Variants in NAV2 observed in about 807,000 individuals in gnomAD.
NAV2 encodes the protein helicase, APC down-regulated 1.
Under a neutral mutation model 223.2 loss-of-function variants are expected in NAV2, and 54 were observed. That is an observed-to-expected ratio of 0.24 (90% CI 0.19 to 0.30). The LOEUF (loss-of-function observed/expected upper bound fraction) is 0.30. Ranked by LOEUF, NAV2 falls within the 10% of genes least tolerant of loss-of-function variation. The pLI is 1.00. For missense variants in NAV2, 2,806 were observed against 3,147.5 expected, an observed-to-expected ratio of 0.89 and a Z score of 2.60; for synonymous variants, 1,279 against 1,239.3, an observed-to-expected ratio of 1.03 and a Z score of -0.67.
chr11:19,676,699 G>A (rs771313464), intron 1 of NAV2, among the ~76,000 whole-genome samples: 5 of 152,302 alleles, frequency 3.3e-5, no homozygotes, highest in Non-Finnish European at 7.4e-5. Context: ...TGCTGGTGGT[G>A]TCATTGCTGT....
chr11:19,999,232 CCCACTCAGTCCTCAGCCAG>C (rs777403465), intron 11 of NAV2, among the ~76,000 whole-genome samples: 1,555 of 152,324 alleles, frequency 0.01, 12 homozygotes, highest in Non-Finnish European at 0.018. Flanking sequence ...AGTGAACCCA[CCCACTCAGTCCTCAGCCAG>C]TCCTCAAAGA....
intron 1 of NAV2, among the ~76,000 whole-genome samples, chr11:19,728,990 A>G (rs533020295): frequency 2.6e-5 from 4 of 152,332 alleles, no homozygotes; most frequent in African/African-American, 4.8e-5. Context: ...TTAAACTTCA[A>G]TGTACTCAGG....
intron 1 of NAV2, among the ~76,000 whole-genome samples, chr11:19,635,923 G>T (rs537589130): frequency 6.6e-6 from 1 of 152,168 alleles, no homozygotes; most frequent in African/African-American, 2.4e-5. Flanking sequence ...GGAAGAGGGG[G>T]GTGTTAAAAG....
At chr11:19,346,999 G>T (rs959664827), upstream of NAV2, among the ~76,000 whole-genome samples, 5 of 152,106 alleles carry the variant, frequency 3.3e-5, no homozygotes, top group Non-Finnish European at 7.3e-5. Flanking sequence ...TTAACTCCAG[G>T]TATAAGATGA....
At chr11:19,433,369 A>G (rs2133616734) in intron 1 of NAV2, among the ~76,000 whole-genome samples, 1 of 152,326 alleles carries the variant, frequency 6.6e-6, no homozygotes, top group Admixed American at 6.5e-5. Context: ...AAATTTCTGC[A>G]TTTGATGGGG....
intron 1 of NAV2, among the ~76,000 whole-genome samples, chr11:19,792,824 T>A (rs2057617367): frequency 6.6e-6 from 1 of 151,860 alleles, no homozygotes; most frequent in Non-Finnish European, 1.5e-5. Context: ...GGTGCTTAAC[T>A]TTGAGACTTG....
chr11:19,453,914 G>A (rs113818529), intron 1 of NAV2, among the ~76,000 whole-genome samples: 2 of 152,278 alleles, frequency 1.3e-5, no homozygotes, highest in South Asian at 2.1e-4. Flanking sequence ...CTTTATGTTG[G>A]GGGAGGCCAT....
chr11:19,676,202 G>A (rs1164918145), intron 1 of NAV2, among the ~76,000 whole-genome samples: 1 of 152,132 alleles, frequency 6.6e-6, no homozygotes, highest in Admixed American at 6.5e-5. Flanking sequence ...CTCATAATAA[G>A]AATATTTTAG....
intron 5 of NAV2, among the ~76,000 whole-genome samples, chr11:19,890,636 A>G (rs955853010): frequency 6.6e-6 from 1 of 152,282 alleles, no homozygotes; most frequent in Non-Finnish European, 1.5e-5. Context: ...TAAAAAGTCC[A>G]GCCCAAGGGA....
At chr11:20,077,342 C>T (rs903052173) in intron 22 of NAV2, among the ~76,000 whole-genome samples, 3 of 151,836 alleles carry the variant, frequency 2.0e-5, no homozygotes, top group East Asian at 1.9e-4. Context: ...TACAAGGGCC[C>T]TAAGATGGGA....
intron 1 of NAV2, among the ~76,000 whole-genome samples, chr11:19,686,261 T>A (rs776490693): frequency 2.1e-4 from 32 of 152,192 alleles, no homozygotes; most frequent in Non-Finnish European, 3.8e-4. Flanking sequence ...GTTCCCTTGC[T>A]TTTCCTTTGA....
chr11:19,690,543 C>T (rs868571727), intron 1 of NAV2, among the ~76,000 whole-genome samples: 1 of 152,090 alleles, frequency 6.6e-6, no homozygotes, highest in Non-Finnish European at 1.5e-5. Context: ...AGAATCAACA[C>T]GTAATAAGTG....
rs2584839 is a variant in NAV2, at chr11:20,005,438, G to T, written c.2768+21191G>T. Among the ~76,000 whole-genome samples, 1,115 of 151,524 alleles carry T rather than the reference G, an allele frequency of 7.4e-3. 15 individuals carry two copies. The highest frequency in any genetic ancestry group is 0.026 in the African/African-American group (1,058 of 41,254). ...TTTTTATATTTTTAGTAGAGATAGG[G>T]TTTCACCTTGTTAGCCAAGCTGGTC... On this transcript the variant is annotated intron_variant, in intron 11 of 37. Transcript: ENST00000349880.
rs1051521216 is a variant in NAV2 at position 19,880,208 on chromosome 11, G to C, written c.770+81G>C. 3.4e-6 allele frequency: 5 copies of C among 1,450,780 alleles called. No individual in the cohort carries two copies. In the African/African-American group the frequency reaches 7.2e-5, roughly 21 times the overall value. The allele number at this position is 1,450,780 out of a possible 1,614,324, so 89.9% of individuals were successfully genotyped here. A position where few individuals can be genotyped will look rare whatever the true frequency, so the allele number is the denominator to read the frequency against. ...AACCAATCTCTAGGCTATCCTGTAT[G>C]GCTTTTTCATTTGTGCTTCTTCAAT... On this transcript the variant is annotated intron_variant, in intron 5 of 37. Transcript: ENST00000349880.
intron 1 of NAV2, among the ~76,000 whole-genome samples, chr11:19,807,155 C>T (rs1222639001): frequency 6.6e-6 from 1 of 152,212 alleles, no homozygotes; most frequent in African/African-American, 2.4e-5. Context: ...GCGTTAGCAA[C>T]CCATGGCCTT....
At chr11:19,801,757 A>G (rs2058277660) in intron 1 of NAV2, among the ~76,000 whole-genome samples, 1 of 152,166 alleles carries the variant, frequency 6.6e-6, no homozygotes, top group Admixed American at 6.5e-5. Flanking sequence ...CTAGCTCTGT[A>G]ACCTTGGGCA....
At chr11:20,089,905 G>C (rs112731579) in intron 26 of NAV2, among the ~76,000 whole-genome samples, 5 of 152,284 alleles carry the variant, frequency 3.3e-5, no homozygotes, top group African/African-American at 1.2e-4. Context: ...CCTTGACCTG[G>C]TGTGCAGCAG....
chr11:19,891,193 A>G (rs1031477961), intron 5 of NAV2, among the ~76,000 whole-genome samples: 3 of 152,230 alleles, frequency 2.0e-5, no homozygotes, highest in African/African-American at 7.2e-5. Flanking sequence ...ATTTGCATGG[A>G]AAGAGAAGGC....
intron 24 of NAV2, 95 bp downstream of exon 24, chr11:20,078,199 A>G (rs2059880848): frequency 4.6e-6 from 4 of 877,016 alleles, no homozygotes; most frequent in Non-Finnish European, 7.3e-6. Flanking sequence ...GCTAGAAGAC[A>G]GTGTCTGCGT....
Sources: gnomAD v4.1 joint callset for allele counts (sites outside exome capture counted in the v4.1 genomes callset) on GRCh38, gnomAD v4.1.1 for gene constraint, MANE v1.5 for transcripts, NCBI Gene and HGNC (gene_info 2026-07-23, HGNC 2026-07-21) for gene names.